KCNN1: variants seen among roughly 807,000 people sequenced by gnomAD.
KCNN1 encodes small conductance calcium-activated potassium channel protein 1.
A neutral mutation model predicts 44.7 loss-of-function variants in KCNN1; 20 were observed. The ratio of observed to expected loss-of-function variants is 0.45; its 90% confidence interval spans 0.32 to 0.65. KCNN1 has a LOEUF of 0.65. Among genes scored for constraint, KCNN1 ranks in the 30% least tolerant of loss-of-function variants. KCNN1 has a pLI of 0.05. For missense variants in KCNN1, 632 were observed against 785.3 expected, an observed-to-expected ratio of 0.80 and a Z score of 2.33; for synonymous variants, 324 against 341.7, an observed-to-expected ratio of 0.95 and a Z score of 0.57.
chr19:17,955,269 A>C (rs1948699378), intron 2 of KCNN1, among the ~76,000 whole-genome samples: 1 of 151,316 alleles, frequency 6.6e-6, no homozygotes, highest in Admixed American at 6.6e-5. Flanking sequence ...AAAAAAAAAA[A>C]AAGAAAAAAG....
At chr19:17,987,489 C>T (rs1056020559) in intron 5 of KCNN1, among the ~76,000 whole-genome samples, 5 of 152,150 alleles carry the variant, frequency 3.3e-5, no homozygotes, top group Admixed American at 2.6e-4. Context: ...GTTGCAGAGC[C>T]GTTGTCCATT....
intron 1 of KCNN1, among the ~76,000 whole-genome samples, chr19:17,953,930 A>T (rs1466126993): frequency 3.3e-5 from 5 of 152,050 alleles, no homozygotes; most frequent in Non-Finnish European, 7.4e-5. Flanking sequence ...ACCTCCCTGA[A>T]TGTCACCCAC....
chr19:17,986,290 G>A (rs2032592511), intron 5 of KCNN1, among the ~76,000 whole-genome samples: 1 of 151,994 alleles, frequency 6.6e-6, no homozygotes, highest in African/African-American at 2.4e-5. Flanking sequence ...TTGAACCCAG[G>A]AGGCAGAGGT....
intron 2 of KCNN1, among the ~76,000 whole-genome samples, chr19:17,955,573 A>G (rs1251371587): frequency 3.3e-5 from 5 of 149,326 alleles, no homozygotes; most frequent in Non-Finnish European, 4.4e-5. Flanking sequence ...AAAAAAAAAA[A>G]AAAAAAGAAA....
At chr19:17,955,113 T>A (rs1171764525) in intron 2 of KCNN1, among the ~76,000 whole-genome samples, 1 of 148,218 alleles carries the variant, frequency 6.7e-6, no homozygotes, top group Non-Finnish European at 1.5e-5. Context: ...TACAGTGGCG[T>A]GCACCTGTGG....
rs907903172 is a variant in KCNN1 at position 17,983,755 on chromosome 19, G to C, written c.918-1557G>C. Among the ~76,000 whole-genome samples, 1 of 151,550 alleles carries C rather than the reference G, an allele frequency of 6.6e-6. No individual in the cohort carries two copies. The highest frequency in any genetic ancestry group is 1.5e-5 in the Non-Finnish European group (1 of 67,878). On this transcript the variant is annotated intron_variant, in intron 4 of 9. Coordinates refer to ENST00000684775, the MANE Select transcript of KCNN1 (RefSeq NM_001386974.1). This position sits in a 1 kb window ranked among gnomAD's most constrained non-coding sequence, Gnocchi z 4.5. The stretch of plus-strand genomic sequence containing the variant: ...TGGTCCCGCGGCACCCCCCACCATC[G>C]CTCCGTCTGGATCTGGGGCTCACCC...
intron 9 of KCNN1, among the ~76,000 whole-genome samples, chr19:17,995,680 G>A (rs573985764): frequency 2.7e-4 from 41 of 152,170 alleles, no homozygotes; most frequent in South Asian, 1.0e-3. Context: ...CCATCTCCTA[G>A]GTTTAAGGTA....
chr19:17,961,733 C>G (rs1201015277), intron 2 of KCNN1, among the ~76,000 whole-genome samples: 3 of 152,094 alleles, frequency 2.0e-5, no homozygotes, highest in Non-Finnish European at 4.4e-5. Context: ...CAGGCGCGTG[C>G]TACCATGCTC....
intron 1 of KCNN1, 105 bp downstream of exon 1, chr19:17,967,422 G>A (rs759487038): frequency 3.2e-5 from 17 of 535,270 alleles, no homozygotes; most frequent in Non-Finnish European, 3.6e-5. Context: ...TGGGGCAGGG[G>A]CCAAGAGGGA....
upstream of KCNN1, among the ~76,000 whole-genome samples, chr19:17,966,377 A>G (rs2031810087): frequency 6.6e-6 from 1 of 152,194 alleles, no homozygotes; most frequent in Non-Finnish European, 1.5e-5. Context: ...CTGGTCCCCA[A>G]AGCTCCCTGG....
At chr19:17,976,017 G>A (rs2032193500) in intron 3 of KCNN1, among the ~76,000 whole-genome samples, 2 of 152,094 alleles carry the variant, frequency 1.3e-5, no homozygotes, top group African/African-American at 4.8e-5. Flanking sequence ...GCACACGCAT[G>A]TTGATAACAG....
intron 3 of KCNN1, among the ~76,000 whole-genome samples, chr19:17,979,616 CAG>C (rs2032330295): frequency 6.6e-6 from 1 of 151,788 alleles, no homozygotes; most frequent in African/African-American, 2.4e-5. Flanking sequence ...CCGTAACTGA[CAG>C]ATGTTATGTA....
Position 17,993,137 on chromosome 19 carries a change from C to T in KCNN1, c.1307+75C>T. Reference sequence around the variant, plus strand: ...GGTGGTCACAGACAGGGGGTACACCCGGGGCATGCCAACCCCAGCCTCAGA... The same window carrying T: ...GGTGGTCACAGACAGGGGGTACACCTGGGGCATGCCAACCCCAGCCTCAGA... On this transcript the variant is annotated intron_variant, in intron 8 of 9. Coordinates refer to ENST00000684775, the MANE Select transcript of KCNN1 (RefSeq NM_001386974.1). This position sits in a 1 kb window ranked among gnomAD's most constrained non-coding sequence, Gnocchi z 4.5. 8.3e-6 allele frequency: 13 copies of T among 1,563,234 alleles called. No homozygotes were observed. Among genetic ancestry groups the T allele is most frequent in the East Asian group, 2.3e-5 (1 of 44,434 alleles).
chr19:17,996,253 C>T (rs1443107045), intron 9 of KCNN1, among the ~76,000 whole-genome samples: 1 of 151,870 alleles, frequency 6.6e-6, no homozygotes, highest in East Asian at 1.9e-4. Flanking sequence ...CTGCAGTCAG[C>T]TGTGACTGTA....
Position 17,998,312 on chromosome 19 carries a change from C to A in KCNN1, c.1538C>A (p.Pro513His). 1.9e-6 allele frequency: 3 copies of A among 1,541,286 alleles called. No individual in the cohort carries two copies. Among genetic ancestry groups the A allele is most frequent in the Non-Finnish European group, 2.6e-6 (3 of 1,149,398 alleles). ...IAQAIRPPPP[P>H]LPPRPGPGPQ... is the part of the protein sequence containing the mutation. ...CAAGCCATACGCCCACCCCCGCCTC[C>A]CCTGCCTCCCAGGCCCGGCCCCGGC... The change falls in exon 10 of 10, where the codon CCC becomes CAC. Residue 513 changes from proline (P) to histidine (H), a missense_variant. Around this residue, in one of 3 missense-constraint regions of KCNN1, gnomAD observed 237 missense variants for 253.0 expected, o/e 0.94. Transcript: ENST00000684775. This position sits in a 1 kb window ranked among gnomAD's most constrained non-coding sequence, Gnocchi z 5.4.
At chr19:17,959,827 A>G (rs1201449106) in intron 2 of KCNN1, among the ~76,000 whole-genome samples, 3 of 152,078 alleles carry the variant, frequency 2.0e-5, no homozygotes, top group Non-Finnish European at 4.4e-5. Context: ...GCTCAGGCCT[A>G]TAATCCTAGC....
intron 4 of KCNN1, chr19:17,982,636 A>G (rs973993793): frequency 3.0e-5 from 29 of 968,196 alleles, no homozygotes; most frequent in Non-Finnish European, 3.4e-5. Flanking sequence ...CGCTGCCGCC[A>G]TCCCCGACCC....
At chr19:17,990,494 AGAAAG>A (rs1233908531) in intron 7 of KCNN1, among the ~76,000 whole-genome samples, 2 of 150,564 alleles carry the variant, frequency 1.3e-5, no homozygotes, top group Admixed American at 1.3e-4. Context: ...AAAAAAAAAA[AGAAAG>A]AAAAGAAAAA....
At position 17,993,005 on chromosome 19, in the gene KCNN1, G is replaced by A. The variant is rs1331715648; in HGVS notation, c.1299-49G>A. ...GGTACATGCCGAACAACTGTGCTGA[G>A]GTTAAAATTGCCTTGTGATTTTTCT... On this transcript the variant is annotated intron_variant, in intron 7 of 9. Transcript: ENST00000684775. This position sits in a 1 kb window ranked among gnomAD's most constrained non-coding sequence, Gnocchi z 4.5. 6.2e-7 allele frequency: 1 copy of A among 1,611,646 alleles called. No individual in the cohort carries two copies. The highest frequency in any genetic ancestry group is 8.5e-7 in the Non-Finnish European group (1 of 1,178,824).
Sources: gnomAD v4.1 joint callset for allele counts (sites outside exome capture counted in the v4.1 genomes callset) on GRCh38, gnomAD v4.1.1 for gene constraint, gnomAD v4.1.1 regional missense constraint, Gnocchi (gnomAD v3.1) non-coding constraint, MANE v1.5 for transcripts, NCBI Gene and HGNC (gene_info 2026-07-23, HGNC 2026-07-21) for gene names.